DLGAP5: variants seen among roughly 807,000 people sequenced by gnomAD.
DLGAP5 encodes the protein disks large-associated protein 5.
DLGAP5 carries 90 observed loss-of-function variants against 99.6 expected under a neutral mutation model. That is an observed-to-expected ratio of 0.90 (90% CI 0.76 to 1.08). The LOEUF (loss-of-function observed/expected upper bound fraction) is 1.08. Among genes scored for constraint, DLGAP5 ranks in the 50% least tolerant of loss-of-function variants. DLGAP5 has a pLI of 0.00. For missense variants in DLGAP5, 1,036 were observed against 983.5 expected (o/e 1.05, Z -0.71); for synonymous variants, 311 against 321.3 (o/e 0.97, Z 0.34).
In DLGAP5 at chr14:55,177,237, T is replaced by G. The variant is rs1020953586; in HGVS notation, c.874A>C (p.Asn292His). 6.2e-7 allele frequency: 1 copy of G among 1,613,604 alleles called. No individual in the cohort carries two copies. The highest frequency in any genetic ancestry group is 8.5e-7 in the Non-Finnish European group (1 of 1,179,854). The change falls in exon 8 of 19, where the codon AAC (asparagine) becomes CAC (histidine). Residue 292 changes from asparagine to histidine, a missense_variant. Transcript: ENST00000247191. ...TTTGCAGTATTTATCTCAGGTAAGTTTTCCATTTTTGATAAGACTCCATCT... is the reference window on the plus strand; with the variant it reads ...TTTGCAGTATTTATCTCAGGTAAGTGTTCCATTTTTGATAAGACTCCATCT... ...NPDGVLSKME[N>H]LPEINTAKIK...
intron 8 of DLGAP5, among the ~76,000 whole-genome samples, chr14:55,176,581 A>G (rs574946394): frequency 1.8e-4 from 27 of 150,224 alleles, no homozygotes; most frequent in African/African-American, 6.6e-4. Context: ...TGTCAATTAC[A>G]TTATTGTACC....
At chr14:55,189,239 G>C (rs1883531030) in intron 1 of DLGAP5, 59 bp from the exon 2 acceptor site, 26 of 1,356,398 alleles carry the variant, frequency 1.9e-5, no homozygotes, top group Non-Finnish European at 2.6e-5. Context: ...AAAAAATTAA[G>C]ATTACAGTTC....
Position 55,190,552 on chromosome 14 carries a change from CAAA to C in DLGAP5, c.-2+908_-2+910del, listed in dbSNP as rs1303117914. Among the ~76,000 whole-genome samples the C allele has an allele frequency of 2.0e-5, 3 of 151,602 alleles. No homozygotes were observed. In the East Asian group the frequency reaches 5.8e-4, roughly 29 times the overall value. On this transcript the variant is annotated intron_variant, in intron 1 of 18. Transcript: ENST00000247191. ...AGTCTTGGCAGTTAAAAAACAAAAA[CAAA>C]AAAAGGTAAGGGGGAGGCTCTGTGA...
At chr14:55,177,382 G>A (rs775051776) in intron 7 of DLGAP5, 46 bp from the exon 8 acceptor site, 6 of 1,510,664 alleles carry the variant, frequency 4.0e-6, no homozygotes, top group Middle Eastern at 4.8e-4. Context: ...TCTCTTCTGA[G>A]GATATATTCA....
At chr14:55,183,781 C>T in intron 2 of DLGAP5, 28 bp from the exon 3 acceptor site, 3 of 1,516,486 alleles carry the variant, frequency 2.0e-6, no homozygotes, top group Non-Finnish European at 2.6e-6. Context: ...CAAAACCACA[C>T]AGTATATAAA....
In DLGAP5 at chr14:55,177,435, G is replaced by A. The variant is rs1883113669; in HGVS notation, c.775-99C>T. 9 of 1,105,492 alleles carry A rather than the reference G, an allele frequency of 8.1e-6. No homozygotes were observed. The South Asian group carries it at 1.5e-4, about 19-fold the overall frequency. 68.5% of individuals were successfully genotyped at this position (1,105,492 alleles called of 1,614,324 possible). A position where few individuals can be genotyped will look rare whatever the true frequency, so the allele number is the denominator to read the frequency against. ...TGAAAATATGACAACAGAAATATAT[G>A]TTCTATGTACATAATTTGAGAGACA... On this transcript the variant is annotated intron_variant, in intron 7 of 18. Transcript: ENST00000247191.
At chr14:55,173,609 A>C (rs925611297) in intron 10 of DLGAP5, among the ~76,000 whole-genome samples, 8 of 146,868 alleles carry the variant, frequency 5.4e-5, no homozygotes, top group South Asian at 4.4e-4. Context: ...CTCTCTATAT[A>C]TATATATACA....
intron 8 of DLGAP5, among the ~76,000 whole-genome samples, chr14:55,176,420 G>C (rs999463190): frequency 6.6e-6 from 1 of 152,150 alleles, no homozygotes; most frequent in African/African-American, 2.4e-5. Flanking sequence ...TACTAAGCCA[G>C]AAGAAAATGA....
intron 15 of DLGAP5, among the ~76,000 whole-genome samples, chr14:55,153,264 C>T (rs1306437280): frequency 1.3e-5 from 2 of 152,128 alleles, no homozygotes; most frequent in Admixed American, 1.3e-4. Flanking sequence ...CTGTTTTGGC[C>T]AGGCGCCTTG....
intron 3 of DLGAP5, 61 bp downstream of exon 3, chr14:55,183,499 T>C (rs1883336601): frequency 7.2e-7 from 1 of 1,392,570 alleles, no homozygotes; most frequent in Non-Finnish European, 9.6e-7. Flanking sequence ...AGTCACTTAA[T>C]GTCTTGAAGA....
chr14:55,174,000 G>C (rs1441178126), intron 10 of DLGAP5, among the ~76,000 whole-genome samples: 2 of 152,226 alleles, frequency 1.3e-5, no homozygotes. Context: ...CGATTGTTCA[G>C]GGAATAAGAG....
chr14:55,163,201 G>A, intron 12 of DLGAP5, 126 bp from the exon 13 acceptor site: 1 of 459,230 alleles, frequency 2.2e-6, no homozygotes, highest in Admixed American at 4.2e-5. Context: ...AAACTGGACT[G>A]AGTCATTCTC....
chr14:55,152,522 G>A, intron 16 of DLGAP5, 68 bp downstream of exon 16: 1 of 1,229,992 alleles, frequency 8.1e-7, no homozygotes, highest in Non-Finnish European at 1.1e-6. Flanking sequence ...GCTTTACAAA[G>A]TTACTTTCTA....
At chr14:55,160,781 T>G (rs1433718697) in intron 13 of DLGAP5, among the ~76,000 whole-genome samples, 1 of 152,146 alleles carries the variant, frequency 6.6e-6, no homozygotes, top group East Asian at 1.9e-4. Flanking sequence ...CCTAATAACT[T>G]AAGCAACTAG....
Position 55,183,596 on chromosome 14 carries a change from TA to T in DLGAP5, c.395del (p.Leu132TyrfsTer7). The T allele has an allele frequency of 6.3e-7, 1 of 1,587,308 alleles. No individual in the cohort carries two copies. Among genetic ancestry groups the T allele is most frequent in the Non-Finnish European group, 8.5e-7 (1 of 1,171,738 alleles). On this transcript the variant is annotated frameshift_variant, in exon 3 of 19. Transcript: ENST00000247191. LOFTEE classifies it high-confidence loss of function. ...CAGCTTTCACAGCATTCTGGTTTGA[TA>T]AAAGAAAACAAGGCATATCAGGTCT... ...RYRPDMPCFL[L>X]SNQNAVKAEP... is the part of the protein sequence containing the mutation.
rs775802958 is a variant in DLGAP5, at chr14:55,182,445, A to G, written c.433-13T>C. 1 of 1,596,934 alleles carries G rather than the reference A, an allele frequency of 6.3e-7. No homozygotes were observed. The highest frequency in any genetic ancestry group is 8.5e-7 in the Non-Finnish European group (1 of 1,175,284). ...AAGATGGAATAGCCTTAGAACAGTC[A>G]AAAGAAGATGAACTTAAAATATGAA... On this transcript the variant is annotated splice_polypyrimidine_tract_variant and intron_variant, in intron 3 of 18. Transcript: ENST00000247191.
intron 12 of DLGAP5, among the ~76,000 whole-genome samples, chr14:55,163,657 C>T (rs945330340): frequency 3.9e-5 from 6 of 152,148 alleles, no homozygotes; most frequent in Admixed American, 6.6e-5. Flanking sequence ...ATGGAAAGTT[C>T]GTATTGCTCC....
chr14:55,184,155 G>GAA (rs570242134), intron 2 of DLGAP5, among the ~76,000 whole-genome samples: 5 of 141,866 alleles, frequency 3.5e-5, no homozygotes, highest in Non-Finnish European at 7.7e-5. Context: ...TCCGTCTCAA[G>GAA]AAAAAAAAAA....
chr14:55,182,310 T>C, intron 4 of DLGAP5, 60 bp downstream of exon 4: 1 of 1,365,572 alleles, frequency 7.3e-7, no homozygotes, highest in Non-Finnish European at 1.0e-6. Flanking sequence ...TAAAATGAAT[T>C]TACTTACTAA....
Sources: gnomAD v4.1 joint callset for allele counts (sites outside exome capture counted in the v4.1 genomes callset) on GRCh38, gnomAD v4.1.1 for gene constraint, MANE v1.5 for transcripts, NCBI Gene and HGNC (gene_info 2026-07-23, HGNC 2026-07-21) for gene names.